Variants in CHD9 observed in about 807,000 individuals in gnomAD.
CHD9 encodes the protein chromodomain helicase DNA binding protein 9, also known as ATP-dependent chromatin remodeler CHD9.
In CHD9, 77 loss-of-function variants were observed where a neutral mutation model predicts 316.1. The ratio of observed to expected loss-of-function variants is 0.24; its 90% CI spans 0.20 to 0.29. The LOEUF (loss-of-function observed/expected upper bound fraction) is 0.29, where lower values mean the gene tolerates loss of function less well. Ranked by LOEUF, CHD9 falls within the 10% of genes least tolerant of loss-of-function variation. CHD9 has a pLI of 1.00. For missense variants in CHD9, 2,763 were observed against 3,438.1 expected, an observed-to-expected ratio of 0.80 and a Z score of 4.91; for synonymous variants, 1,129 against 1,158.3, an observed-to-expected ratio of 0.97 and a Z score of 0.51.
In CHD9 at chr16:53,324,829, T is replaced by C. The variant is rs1204466012; in HGVS notation, c.8628T>C (p.Asp2876=). 6 of 1,612,226 alleles carry C rather than the reference T, an allele frequency of 3.7e-6. No individual in the cohort carries two copies. Among genetic ancestry groups the C allele is most frequent in the Non-Finnish European group, 5.1e-6 (6 of 1,179,178 alleles). The change falls in exon 39 of 39, where the codon GAT becomes GAC. Residue 2876 remains aspartate (D), a synonymous_variant. Transcript: ENST00000447540. The stretch of plus-strand genomic sequence containing the variant: ...CAGATGAGGGTTCAGAGAAAGCTGA[T>C]GCTTCATCTGGATCTGATAGTACAT... The part of the protein sequence containing the change: ...NSTDEGSEKA[D]ASSGSDSTSS...
chr16:53,314,811 G>T lies in CHD9; in HGVS notation c.7363-12G>T, dbSNP rs368622026. ...TATGAAAATAAAGATACCATTTGGT[G>T]TTTTTTTACAGGTTTCTTTAGGCTT... is the stretch of plus-strand genomic sequence containing the variant. On this transcript the variant is annotated splice_polypyrimidine_tract_variant and intron_variant, in intron 35 of 38. Transcript: ENST00000447540. The T allele has an allele frequency of 1.1e-5, 17 of 1,562,482 alleles. No individual in the cohort carries two copies. In the African/African-American group the frequency reaches 2.3e-4, roughly 21 times the overall value.
At chr16:53,253,978 A>G (rs567980705) in intron 17 of CHD9, among the ~76,000 whole-genome samples, 14 of 152,320 alleles carry the variant, frequency 9.2e-5, no homozygotes, top group African/African-American at 2.9e-4. Flanking sequence ...GGAGTTCGAG[A>G]CCAGCCTGGC....
In CHD9 at chr16:53,156,657, C is replaced by A; in HGVS notation, c.568C>A (p.Gln190Lys). The A allele has an allele frequency of 6.2e-7, 1 of 1,613,926 alleles. No homozygotes were observed. The highest frequency in any genetic ancestry group is 1.1e-5 in the South Asian group (1 of 91,080). ...QQNRNNLNPG[Q>K]NSLSQSKNFM... Reference sequence around the variant, plus strand: ...AAACAGAAATAATCTCAACCCAGGGCAGAATTCTCTTAGCCAGTCTAAAAA... The same window carrying A: ...AAACAGAAATAATCTCAACCCAGGGAAGAATTCTCTTAGCCAGTCTAAAAA... Residue 190 changes from glutamine to lysine, a missense_variant, in exon 2 of 39, where the codon CAG becomes AAG. Physicochemically the swap from Gln to Lys is moderately conservative, Grantham distance 53. Coordinates refer to ENST00000447540, the MANE Select transcript of CHD9 (RefSeq NM_001308319.2).
At chr16:53,089,211 G>A (rs1274797286) in intron 1 of CHD9, among the ~76,000 whole-genome samples, 6 of 152,204 alleles carry the variant, frequency 3.9e-5, no homozygotes, top group East Asian at 3.9e-4. Context: ...ACTTGAGCCC[G>A]GGAGGTCGAG....
chr16:53,304,673 CTTTTCTTTTCTTTTCTTTTCT>C (rs1430921715), intron 31 of CHD9, 48 bp downstream of exon 31: 18 of 1,144,238 alleles, frequency 1.6e-5, no homozygotes, highest in East Asian at 5.5e-5. Context: ...CTTTTCTTTT[CTTTTCTTTTCTTTTCTTTTCT>C]TTTTTTTTTT....
intron 24 of CHD9, among the ~76,000 whole-genome samples, chr16:53,285,254 A>T (rs1358631092): frequency 6.6e-6 from 1 of 152,192 alleles, no homozygotes; most frequent in African/African-American, 2.4e-5. Context: ...CCAGATGATT[A>T]TTGCCAAGTT....
chr16:53,235,536 T>C (rs1345696520), intron 11 of CHD9, among the ~76,000 whole-genome samples: 1 of 152,198 alleles, frequency 6.6e-6, no homozygotes. Context: ...TGATTAATAC[T>C]TAAATTTGAA....
chr16:53,082,203 TATTTA>T (rs1450616392), intron 1 of CHD9, among the ~76,000 whole-genome samples: 1 of 12,110 alleles, frequency 8.3e-5, no homozygotes, highest in Non-Finnish European at 2.3e-4. Context: ...GAGAACATTT[TATTTA>T]TTTATTTATT....
chr16:53,249,207 G>A (rs955487742), intron 16 of CHD9, among the ~76,000 whole-genome samples: 3 of 152,074 alleles, frequency 2.0e-5, no homozygotes, highest in East Asian at 1.9e-4. Flanking sequence ...AGATAACCGC[G>A]GAGAGACTGC....
chr16:53,223,039 G>A (rs2047373435), intron 4 of CHD9, among the ~76,000 whole-genome samples: 1 of 152,154 alleles, frequency 6.6e-6, no homozygotes, highest in Non-Finnish European at 1.5e-5. Context: ...TTTTAGCATG[G>A]AGGAGTATTT....
chr16:53,318,447 A>G (rs2057038809), intron 37 of CHD9, 107 bp downstream of exon 37: 1 of 828,578 alleles, frequency 1.2e-6, no homozygotes, highest in Non-Finnish European at 1.8e-6. Flanking sequence ...CCTGGAAATG[A>G]GTTGAATCTA....
At chr16:53,091,168 G>C (rs947446816) in intron 1 of CHD9, among the ~76,000 whole-genome samples, 3 of 152,180 alleles carry the variant, frequency 2.0e-5, no homozygotes, top group African/African-American at 7.2e-5. Context: ...TGGGGGTTCA[G>C]AGTGTTCTTG....
At chr16:53,204,044 A>ATATATAT (rs1473280245) in intron 2 of CHD9, among the ~76,000 whole-genome samples, 1 of 103,624 alleles carries the variant, frequency 9.7e-6, no homozygotes, top group African/African-American at 3.8e-5. Flanking sequence ...AAAAAAAAAA[A>ATATATAT]AAAAATATAT....
chr16:53,056,965 G>A (rs2032208784), intron 1 of CHD9, among the ~76,000 whole-genome samples: 1 of 151,870 alleles, frequency 6.6e-6, no homozygotes, highest in African/African-American at 2.4e-5. Context: ...CTGTGCAACA[G>A]AGCAAGGCCC....
intron 1 of CHD9, among the ~76,000 whole-genome samples, chr16:53,058,400 C>G (rs1480181791): frequency 6.6e-6 from 1 of 152,132 alleles, no homozygotes; most frequent in Non-Finnish European, 1.5e-5. Context: ...ATTACAGGCT[C>G]AAGCCACAGC....
Position 53,313,620 on chromosome 16 carries a change from T to TTA in CHD9, c.7223-757_7223-756insTA, listed in dbSNP as rs2056649021. Among the ~76,000 whole-genome samples, 5 of 152,114 alleles carry TTA rather than the reference T, an allele frequency of 3.3e-5. No individual in the cohort carries two copies. The East Asian group carries it at 9.8e-4, about 30-fold the overall frequency. ...TATGCCCGGCCAAAAGTTTAACATT[T>TTA]GTTTGTTTGAGTTAGGGCATATTTT... On this transcript the variant is annotated intron_variant, in intron 34 of 38. Coordinates refer to ENST00000447540, the MANE Select transcript of CHD9 (RefSeq NM_001308319.2).
intron 1 of CHD9, among the ~76,000 whole-genome samples, chr16:53,068,470 C>T (rs577086312): frequency 6.6e-6 from 1 of 152,142 alleles, no homozygotes; most frequent in African/African-American, 2.4e-5. Flanking sequence ...AAACACAGGG[C>T]CCGCTAAAGT....
At chr16:53,219,711 G>A (rs1042922630) in intron 3 of CHD9, among the ~76,000 whole-genome samples, 1 of 152,142 alleles carries the variant, frequency 6.6e-6, no homozygotes, top group Non-Finnish European at 1.5e-5. Flanking sequence ...TTTAGGCTTT[G>A]GAGTGAGGCA....
intron 30 of CHD9, among the ~76,000 whole-genome samples, chr16:53,300,223 C>T (rs1348794563): frequency 2.0e-5 from 3 of 151,994 alleles, no homozygotes; most frequent in Non-Finnish European, 2.9e-5. Flanking sequence ...TGTAGTGGCA[C>T]GCACCTGTAA....
Sources: gnomAD v4.1 joint callset for allele counts (sites outside exome capture counted in the v4.1 genomes callset) on GRCh38, gnomAD v4.1.1 for gene constraint, MANE v1.5 for transcripts, NCBI Gene and HGNC (gene_info 2026-07-23, HGNC 2026-07-21) for gene names.